MALAT1: variants seen among roughly 807,000 people sequenced by gnomAD.
MALAT1 encodes hepcarcin.
exon 3 of MALAT1, chr11:65,499,358 GAGAA>G (rs768335830): frequency 4.0e-5 from 20 of 494,088 alleles, no homozygotes; most frequent in African/African-American, 1.8e-4. Flanking sequence ...AGAAAATTGA[GAGAA>G]AGGACTACAG....
chr11:65,499,674 C>G (rs1294501331), exon 3 of MALAT1: 4 of 434,010 alleles, frequency 9.2e-6, no homozygotes, highest in South Asian at 1.7e-5. Flanking sequence ...AACTGGAAGA[C>G]AGAAGTACGG....
chr11:65,503,365 G>T, exon 3 of MALAT1: 1 of 518,886 alleles, frequency 1.9e-6, no homozygotes, highest in Non-Finnish European at 3.8e-6. Context: ...ACTTGTTCCT[G>T]TGGGCTTCAG....
exon 3 of MALAT1, chr11:65,500,218 GAGTT>G (rs780076126): frequency 1.9e-6 from 1 of 514,982 alleles, no homozygotes; most frequent in South Asian, 1.4e-5. Flanking sequence ...GCTTTTGGAA[GAGTT>G]AGAAGAATTT....
intron 2 of MALAT1, chr11:65,498,958 C>T (rs756953937): frequency 1.9e-5 from 10 of 518,544 alleles, no homozygotes; most frequent in East Asian, 5.4e-5. Context: ...CTTTTTGCCT[C>T]CCTCACAAAG....
At chr11:65,506,437 A>ATGTT (rs574305209), downstream of MALAT1, 78 of 329,514 alleles carry the variant, frequency 2.4e-4, no homozygotes, top group Admixed American at 2.7e-4. Flanking sequence ...AAAACTTAAC[A>ATGTT]ATTTTGTGTA....
At chr11:65,503,460 C>T (rs755578960) in exon 3 of MALAT1, 1 of 516,840 alleles carries the variant, frequency 1.9e-6, no homozygotes, top group Non-Finnish European at 3.9e-6. Flanking sequence ...TGCCTTGATG[C>T]CAACTAAGGA....
chr11:65,500,404 A>G (rs1363559951), exon 3 of MALAT1: 1 of 519,004 alleles, frequency 1.9e-6, no homozygotes, highest in South Asian at 1.4e-5. Flanking sequence ...CCCAGGTGCT[A>G]CACAGAAGTG....
chr11:65,504,620 G>A lies in MALAT1; in HGVS notation n.5168+715G>A, dbSNP rs780171508. The A allele has an allele frequency of 9.6e-6, 5 of 518,918 alleles. No individual in the cohort carries two copies. In the Admixed American group the frequency reaches 9.7e-5, roughly 10 times the overall value. 32.1% of individuals were successfully genotyped at this position (518,918 alleles called of 1,614,324 possible). A position where few individuals can be genotyped will look rare whatever the true frequency, so the allele number is the denominator to read the frequency against. On this transcript the variant is annotated intron_variant and non_coding_transcript_variant, in intron 3 of 3. Coordinates refer to ENST00000619449, the Ensembl canonical transcript of MALAT1. ...GGTAAAATGCTTTTTGTTCATTTCTGGTGGTGGGAGGGGACTGAAGCCTTT... is the reference window on the plus strand; with the variant it reads ...GGTAAAATGCTTTTTGTTCATTTCTAGTGGTGGGAGGGGACTGAAGCCTTT...
At chr11:65,499,770 A>G (rs1442383076) in exon 3 of MALAT1, 2 of 429,284 alleles carry the variant, frequency 4.7e-6, no homozygotes, top group African/African-American at 4.2e-5. Context: ...TTAAACCTGA[A>G]AAGTAGGAAG....
exon 3 of MALAT1, chr11:65,499,244 T>C (rs752120020): frequency 2.6e-5 from 13 of 505,886 alleles, no homozygotes; most frequent in Admixed American, 1.9e-4. Flanking sequence ...AGAGAAAATA[T>C]GAAGACTTAG....
rs770861154 is a variant in MALAT1 at position 65,500,196 on chromosome 11, C to CT, written n.1460dup. On this transcript the variant is annotated non_coding_transcript_exon_variant, in exon 3 of 4. Transcript: ENST00000619449. ...AAGGACTGGTGTAATTTAAAAAAAA[C>CT]TAAGGCAGAAGGCTTTTGGAAGAGT... 1.5e-4 allele frequency: 75 copies of CT among 509,540 alleles called. 3 individuals carry two copies. The highest frequency in any genetic ancestry group is 8.1e-4 in the South Asian group (56 of 69,380). 31.6% of individuals were successfully genotyped at this position (509,540 alleles called of 1,614,324 possible). A position where few individuals can be genotyped will look rare whatever the true frequency, so the allele number is the denominator to read the frequency against.
chr11:65,504,522 TGAG>T (rs775559821), intron 3 of MALAT1: 1 of 518,970 alleles, frequency 1.9e-6, no homozygotes, highest in Non-Finnish European at 3.8e-6. Flanking sequence ...GGCTGAGTGT[TGAG>T]GAAATTTCTG....
In MALAT1 at chr11:65,503,379, T is replaced by TG. The variant is rs752816490; in HGVS notation, n.4645dup. ...GACTTGTTCCTGTGGGCTTCAGTGA[T>TG]GGGATAGTACACTTCACTCAGAGGC... On this transcript the variant is annotated non_coding_transcript_exon_variant, in exon 3 of 4. Transcript: ENST00000619449. 1.2e-5 allele frequency: 6 copies of TG among 518,912 alleles called. No individual in the cohort carries two copies. The East Asian group carries it at 2.2e-4, about 19-fold the overall frequency. 32.1% of individuals were successfully genotyped at this position (518,912 alleles called of 1,614,324 possible).
chr11:65,505,221 A>T (rs1237000165), intron 3 of MALAT1: 1 of 518,338 alleles, frequency 1.9e-6, no homozygotes, highest in Non-Finnish European at 3.9e-6. Flanking sequence ...GGCTTAAAGT[A>T]GGACAACCAT....
chr11:65,500,834 C>T (rs369370836), exon 3 of MALAT1: 1 of 518,684 alleles, frequency 1.9e-6, no homozygotes, highest in Admixed American at 1.9e-5. Flanking sequence ...TATTTATTTT[C>T]TAATATAATG....
chr11:65,497,964 C>T (rs768578746), intron 1 of MALAT1: 3 of 518,788 alleles, frequency 5.8e-6, no homozygotes, highest in Non-Finnish European at 7.7e-6. Context: ...TATAGGCTGG[C>T]CATTCCAGGT....
chr11:65,505,484 G>A (rs774760423), intron 3 of MALAT1: 25 of 512,718 alleles, frequency 4.9e-5, no homozygotes, highest in Non-Finnish European at 7.8e-5. Flanking sequence ...GGGGGAAAGC[G>A]GGCAACCACT....
intron 3 of MALAT1, chr11:65,506,127 GTTGGCAC>G (rs1854689234): frequency 2.5e-6 from 1 of 400,646 alleles, no homozygotes; most frequent in African/African-American, 2.2e-5. Flanking sequence ...GATGCTGGTG[GTTGGCAC>G]TCCTGGTTTC....
chr11:65,505,660 A>C (rs765395819), intron 3 of MALAT1: 1 of 518,892 alleles, frequency 1.9e-6, no homozygotes, highest in African/African-American at 1.9e-5. Context: ...AATCGGTTTC[A>C]AGGTAACGAT....
Sources: allele counts gnomAD v4.1 joint callset, GRCh38; gene constraint gnomAD v4.1.1; transcripts MANE v1.5; gene names NCBI Gene and HGNC (gene_info 2026-07-23, HGNC 2026-07-21).